TMEM9B: variants seen among roughly 807,000 people sequenced by gnomAD.
TMEM9B encodes transmembrane protein 9B.
Under a neutral mutation model 23.5 loss-of-function variants are expected in TMEM9B, and 8 were observed. The ratio of observed to expected loss-of-function variants is 0.34; its 90% CI spans 0.20 to 0.61. The LOEUF is 0.61. Ranked by LOEUF, TMEM9B falls within the 20% of genes least tolerant of loss-of-function variation. The pLI, the probability that TMEM9B is intolerant of heterozygous loss-of-function variation, is 0.78. For synonymous variants in TMEM9B, 106 were observed against 96.3 expected (o/e 1.10, Z -0.59); for missense variants, 197 against 252.3 (o/e 0.78, Z 1.49).
At chr11:8,959,958 A>G (rs1854045063) in intron 2 of TMEM9B, among the ~76,000 whole-genome samples, 1 of 152,258 alleles carries the variant, frequency 6.6e-6, no homozygotes, top group East Asian at 1.9e-4. Context: ...TCGTAAAGCC[A>G]TAATTCTGGT....
intron 4 of TMEM9B, among the ~76,000 whole-genome samples, chr11:8,951,772 A>G (rs1243333475): frequency 2.0e-5 from 3 of 151,088 alleles, no homozygotes; most frequent in Non-Finnish European, 4.4e-5. Context: ...AAAAAAAAAA[A>G]GGAAAATTCA....
intron 4 of TMEM9B, among the ~76,000 whole-genome samples, chr11:8,949,850 T>TG (rs1853843254): frequency 6.6e-6 from 1 of 151,718 alleles, no homozygotes; most frequent in East Asian, 1.9e-4. Flanking sequence ...TTTAAAGAGA[T>TG]GGGGTCTCAC....
Position 8,947,599 on chromosome 11 carries a change from CTA to C in TMEM9B, c.*719_*720del, listed in dbSNP as rs1401470126. ...ATGAGTAAGACCACACACACCAAGA[CTA>C]TGTTTAGTCTTTAGAGTAAACTAGC... On this transcript the variant is annotated 3_prime_UTR_variant, in exon 5 of 5. Transcript: ENST00000534025. 6.6e-6 allele frequency: 1 copy of C among 152,622 alleles called. No homozygotes were observed. The highest frequency in any genetic ancestry group is 1.5e-5 in the Non-Finnish European group (1 of 68,036). The allele number at this position is 152,622 out of a possible 1,614,324, so 9.5% of individuals were successfully genotyped here. A position where few individuals can be genotyped will look rare whatever the true frequency, so the allele number is the denominator to read the frequency against.
At position 8,964,195 on chromosome 11, in the gene TMEM9B, T is replaced by C; in HGVS notation, c.105+14A>G. 3 of 1,562,310 alleles carry C rather than the reference T, an allele frequency of 1.9e-6. No homozygotes were observed. The South Asian group carries it at 3.5e-5, about 18-fold the overall frequency. On this transcript the variant is annotated intron_variant, in intron 1 of 4. Coordinates refer to ENST00000534025, the MANE Select transcript of TMEM9B (RefSeq NM_020644.3). ...GAGGAGCTTCCGTCAGGAGCGAGGC[T>C]GGGCGGGACTCACCTTGGCGGCGTC...
upstream of TMEM9B, chr11:8,964,518 G>A (rs371071120): frequency 5.7e-4 from 786 of 1,388,372 alleles, 4 homozygotes; most frequent in African/African-American, 0.011. Context: ...CCAGTGCGAA[G>A]GGCCGGGAGG....
rs562284972 is a variant in TMEM9B at position 8,957,728 on chromosome 11, G to A, written c.198-1430C>T. ...TTATAGTTTCAAATAGCTAGAAGGA[G>A]GATTTTGAATATTTTCAACACAAAG... On this transcript the variant is annotated intron_variant, in intron 2 of 4. Coordinates refer to ENST00000534025, the MANE Select transcript of TMEM9B (RefSeq NM_020644.3). The surrounding 1 kb of genome is among the most constrained non-coding windows in gnomAD (Gnocchi z 4.3). Among the ~76,000 whole-genome samples, 24 of 152,240 alleles carry A rather than the reference G, an allele frequency of 1.6e-4. No individual in the cohort carries two copies. The highest frequency in any genetic ancestry group is 2.9e-4 in the Non-Finnish European group (20 of 68,018).
intron 2 of TMEM9B, among the ~76,000 whole-genome samples, 175 bp from the exon 3 acceptor site, chr11:8,956,473 G>T (rs1284008916): frequency 6.6e-6 from 1 of 152,040 alleles, no homozygotes; most frequent in Non-Finnish European, 1.5e-5. Flanking sequence ...TAGCATTTTG[G>T]TAAGTTTTAA....
intron 4 of TMEM9B, 152 bp downstream of exon 4, chr11:8,953,051 G>T: frequency 1.2e-6 from 1 of 836,966 alleles, no homozygotes; most frequent in African/African-American, 1.7e-5. Context: ...TCATAAAGAG[G>T]TATATACTGA....
intron 3 of TMEM9B, among the ~76,000 whole-genome samples, chr11:8,955,137 C>A (rs1853950659): frequency 1.7e-5 from 2 of 120,206 alleles, no homozygotes; most frequent in South Asian, 3.0e-4. Context: ...GGCAATAGAG[C>A]AAGACTCCAT....
intron 3 of TMEM9B, among the ~76,000 whole-genome samples, chr11:8,955,271 A>C (rs1220741515): frequency 6.6e-6 from 1 of 152,102 alleles, no homozygotes; most frequent in Non-Finnish European, 1.5e-5. Flanking sequence ...AATACTCCAC[A>C]ACCTTTTTGG....
rs1399025973 is a variant in TMEM9B, at chr11:8,957,567, C to A, written c.198-1269G>T. On this transcript the variant is annotated intron_variant, in intron 2 of 4. Transcript: ENST00000534025. The surrounding 1 kb of genome is among the most constrained non-coding windows in gnomAD (Gnocchi z 4.3). ...TCTTACCCATTCTCTTGGGGACACC[C>A]AATACTCTATAGAGTGATTCCTTCT... Among the ~76,000 whole-genome samples the A allele has an allele frequency of 5.9e-5, 9 of 152,206 alleles. No homozygotes were observed. Among genetic ancestry groups the A allele is most frequent in the African/African-American group, 2.2e-4 (9 of 41,456 alleles).
intron 1 of TMEM9B, 89 bp downstream of exon 1, chr11:8,964,120 G>C (rs1854138551): frequency 2.3e-6 from 3 of 1,315,508 alleles, no homozygotes; most frequent in East Asian, 2.6e-5. Context: ...GTCAGGAATG[G>C]GCCAAGGAGC....
intron 1 of TMEM9B, chr11:8,963,886 A>T: frequency 3.1e-6 from 1 of 324,108 alleles, no homozygotes; most frequent in Non-Finnish European, 5.7e-6. Context: ...GGAGGTGAAA[A>T]GGTTGTCAAG....
chr11:8,964,159 C>T, intron 1 of TMEM9B, 50 bp downstream of exon 1: 1 of 1,531,748 alleles, frequency 6.5e-7, no homozygotes, highest in Non-Finnish European at 8.8e-7. Context: ...TCCGCAAGGC[C>T]GGTGGTAGGG....
chr11:8,964,561 C>A, upstream of TMEM9B: 4 of 1,153,354 alleles, frequency 3.5e-6, no homozygotes, highest in Non-Finnish European at 4.6e-6. Flanking sequence ...TTGGCCTAGC[C>A]CCGGCCCCGG....
chr11:8,951,662 G>A (rs1227423846), intron 4 of TMEM9B, among the ~76,000 whole-genome samples: 1 of 151,858 alleles, frequency 6.6e-6, no homozygotes, highest in Non-Finnish European at 1.5e-5. Flanking sequence ...GGAGGCTGAG[G>A]CAGGAGAATG....
At chr11:8,960,405 G>A (rs185424236) in intron 2 of TMEM9B, among the ~76,000 whole-genome samples, 321 of 152,180 alleles carry the variant, frequency 2.1e-3, no homozygotes, top group Non-Finnish European at 1.9e-3. Flanking sequence ...GCCTCCCAAA[G>A]TGCTGGGATT....
chr11:8,962,214 T>C (rs758854946), intron 1 of TMEM9B, 31 bp from the exon 2 acceptor site: 2 of 1,420,790 alleles, frequency 1.4e-6, no homozygotes, highest in South Asian at 2.5e-5. Context: ...GTATAGTGCG[T>C]TGACAGTTTA....
intron 3 of TMEM9B, among the ~76,000 whole-genome samples, chr11:8,955,150 CA>C (rs10666258): frequency 2.3e-4 from 29 of 128,244 alleles, no homozygotes; most frequent in African/African-American, 3.6e-4. Context: ...GACTCCATCT[CA>C]AAAAAAAAAA....
Sources: allele counts gnomAD v4.1 joint callset (sites outside exome capture counted in the v4.1 genomes callset), GRCh38; gene constraint gnomAD v4.1.1; non-coding constraint Gnocchi (gnomAD v3.1); transcripts MANE v1.5; gene names NCBI Gene and HGNC (gene_info 2026-07-23, HGNC 2026-07-21).